Variants in CCDC69 observed in about 807,000 individuals in gnomAD.
The protein encoded by CCDC69 is coiled-coil domain containing 69, also known as coiled-coil domain-containing protein 69.
CCDC69 carries 38 observed loss-of-function variants against 40.3 expected under a neutral mutation model. That is an observed-to-expected ratio of 0.94 (90% CI 0.73 to 1.24). The LOEUF (loss-of-function observed/expected upper bound fraction) is 1.24, where lower values mean the gene tolerates loss of function less well. Ranked by LOEUF, CCDC69 falls within the 50% of genes most tolerant of loss-of-function variation. The probability of loss-of-function intolerance (pLI) is 0.00; values close to 1 mark genes in which losing one functional copy is unlikely to be tolerated. For missense variants in CCDC69, 389 were observed against 357.9 expected (o/e 1.09, Z -0.70); for synonymous variants, 141 against 138.9 (o/e 1.02, Z -0.11).
rs956069651 is a variant in CCDC69 at position 151,191,212 on chromosome 5, G to C, written c.320-3753C>G. Among the ~76,000 whole-genome samples, 11 of 152,172 alleles carry C rather than the reference G, an allele frequency of 7.2e-5. No homozygotes were observed. The East Asian group carries it at 1.9e-3, about 27-fold the overall frequency. ...GTGGAAAAAGAAACACTAATCAAAAGAAAGTCATAGTAGCTATATGATTTG... is the reference window on the plus strand; with the variant it reads ...GTGGAAAAAGAAACACTAATCAAAACAAAGTCATAGTAGCTATATGATTTG... On this transcript the variant is annotated intron_variant, in intron 4 of 8. Transcript: ENST00000355417.
chr5:151,216,933 G>A (rs79273895), intron 1 of CCDC69, among the ~76,000 whole-genome samples: 2,189 of 152,216 alleles, frequency 0.014, 50 homozygotes, highest in African/African-American at 0.048. Flanking sequence ...TGGGAAGGAC[G>A]TGTGTGTGGG....
intron 1 of CCDC69, among the ~76,000 whole-genome samples, chr5:151,214,331 G>T (rs180768980): frequency 6.6e-6 from 1 of 152,256 alleles, no homozygotes; most frequent in Non-Finnish European, 1.5e-5. Context: ...GGCGGGGAGT[G>T]TGGCCCAAGG....
intron 4 of CCDC69, among the ~76,000 whole-genome samples, chr5:151,187,686 T>A (rs924316702): frequency 6.6e-6 from 1 of 152,170 alleles, no homozygotes; most frequent in African/African-American, 2.4e-5. Flanking sequence ...AACTATAGCC[T>A]GGGAGGAACG....
intron 1 of CCDC69, among the ~76,000 whole-genome samples, chr5:151,223,273 C>T (rs546532579): frequency 6.6e-6 from 1 of 152,328 alleles, no homozygotes; most frequent in East Asian, 1.9e-4. Flanking sequence ...GAGGAGAGGG[C>T]CACAGAACGC....
chr5:151,217,545 T>G (rs1436873048), intron 1 of CCDC69, among the ~76,000 whole-genome samples: 1 of 152,182 alleles, frequency 6.6e-6, no homozygotes, highest in East Asian at 1.9e-4. Flanking sequence ...AAGTTAGAAG[T>G]GTAAATTCAA....
At position 151,220,739 on chromosome 5, in the gene CCDC69, T is replaced by C. The variant is rs552788134; in HGVS notation, c.48+3184A>G. ...AGTTCAGACATCATTCCTGGTACTC[T>C]GCAGTGTCACACAAAGGGGGTTGGC... On this transcript the variant is annotated intron_variant, in intron 1 of 8. Transcript: ENST00000355417. Among the ~76,000 whole-genome samples, 13 of 152,236 alleles carry C rather than the reference T, an allele frequency of 8.5e-5. 1 individual carries two copies. The South Asian group carries it at 2.7e-3, about 32-fold the overall frequency.
chr5:151,183,102 T>C lies in CCDC69; in HGVS notation c.*335A>G, dbSNP rs1766666955. Reference sequence around the variant, plus strand: ...AGCTGGGACCAGGGGCTGTCTCCTTTATGTCAAATGGCCAGCGTGACACAG... The same window carrying C: ...AGCTGGGACCAGGGGCTGTCTCCTTCATGTCAAATGGCCAGCGTGACACAG... On this transcript the variant is annotated 3_prime_UTR_variant, in exon 9 of 9. Coordinates refer to ENST00000355417, the MANE Select transcript of CCDC69 (RefSeq NM_015621.3). 1 of 501,636 alleles carries C rather than the reference T, an allele frequency of 2.0e-6. No homozygotes were observed. Among genetic ancestry groups the C allele is most frequent in the Middle Eastern group, 3.0e-4 (1 of 3,356 alleles). The allele number at this position is 501,636 out of a possible 1,614,324, so 31.1% of individuals were successfully genotyped here.
chr5:151,199,064 T>C lies in CCDC69; in HGVS notation c.252A>G (p.Leu84=). 1 of 1,613,560 alleles carries C rather than the reference T, an allele frequency of 6.2e-7. No homozygotes were observed. The highest frequency in any genetic ancestry group is 1.6e-4 in the Middle Eastern group (1 of 6,062). Residue 84 remains leucine (L), a synonymous_variant, in exon 4 of 9, where the codon CTA becomes CTG. Transcript: ENST00000355417. The part of the protein sequence containing the change: ...WAQQVEKERE[L]ELRDRLDEQQ... Reference sequence around the variant, plus strand: ...GCTCATCCAGTCTGTCTCGAAGCTCTAGCTCCCTTTCCTTCTCCACCTGGG... The same window carrying C: ...GCTCATCCAGTCTGTCTCGAAGCTCCAGCTCCCTTTCCTTCTCCACCTGGG...
intron 4 of CCDC69, among the ~76,000 whole-genome samples, chr5:151,195,047 C>T (rs1373996669): frequency 1.3e-5 from 2 of 152,116 alleles, no homozygotes; most frequent in East Asian, 1.9e-4. Context: ...CTAGTCTCTC[C>T]TGGTTATCTG....
intron 2 of CCDC69, among the ~76,000 whole-genome samples, chr5:151,203,214 C>A (rs986995540): frequency 9.2e-5 from 14 of 151,806 alleles, no homozygotes; most frequent in African/African-American, 3.1e-4. Context: ...TGCTTGTGCA[C>A]AAAAGGAAAT....
rs1040876899 is a variant in CCDC69 at position 151,186,745 on chromosome 5, C to T, written c.394-621G>A. Among the ~76,000 whole-genome samples the T allele has an allele frequency of 1.8e-4, 27 of 152,268 alleles. 1 individual carries two copies. The highest frequency in any genetic ancestry group is 1.4e-3 in the Admixed American group (21 of 15,296). ...GTTTCACTGCCAAGAACTTTCTCTA[C>T]TTGAACCGTGACCACTACCGTTAGG... is the stretch of plus-strand genomic sequence containing the variant. On this transcript the variant is annotated intron_variant, in intron 5 of 8. Transcript: ENST00000355417.
rs139736847 is a variant in CCDC69, at chr5:151,220,146, C to T, written c.48+3777G>A. ...GAACACTAATGTCCTTTAGCTCCCA[C>T]GTCCCGGGGTACTTTCCTTGGGTAC... On this transcript the variant is annotated intron_variant, in intron 1 of 8. Coordinates refer to ENST00000355417, the MANE Select transcript of CCDC69 (RefSeq NM_015621.3). 2.4e-3 allele frequency among the ~76,000 whole-genome samples: 364 copies of T among 152,326 alleles called. 3 individuals carry two copies. The highest frequency in any genetic ancestry group is 8.4e-3 in the African/African-American group (348 of 41,558).
At chr5:151,213,982 A>C (rs1391802953) in intron 1 of CCDC69, among the ~76,000 whole-genome samples, 1 of 152,076 alleles carries the variant, frequency 6.6e-6, no homozygotes, top group Non-Finnish European at 1.5e-5. Context: ...GAGGCAGCTG[A>C]CTCCAATCCC....
At chr5:151,204,781 T>C (rs1284845394) in intron 2 of CCDC69, among the ~76,000 whole-genome samples, 1 of 152,228 alleles carries the variant, frequency 6.6e-6, no homozygotes, top group African/African-American at 2.4e-5. Context: ...GAAAATTAGA[T>C]ATTCAAGTTA....
intron 1 of CCDC69, chr5:151,210,834 G>A (rs1193845936): frequency 2.0e-5 from 3 of 152,190 alleles, no homozygotes; most frequent in African/African-American, 7.2e-5. Context: ...CAGGTGTGGT[G>A]GCACGTGCCT....
chr5:151,185,775 C>T (rs1190786619), intron 6 of CCDC69, among the ~76,000 whole-genome samples: 1 of 152,242 alleles, frequency 6.6e-6, no homozygotes, highest in Admixed American at 6.5e-5. Flanking sequence ...TGCTAAGTGG[C>T]AGGTTTGCTA....
At chr5:151,213,858 C>A (rs556903992) in intron 1 of CCDC69, among the ~76,000 whole-genome samples, 1 of 152,200 alleles carries the variant, frequency 6.6e-6, no homozygotes, top group Non-Finnish European at 1.5e-5. Flanking sequence ...TCACCCAGCT[C>A]CTCCGTGTCC....
At chr5:151,197,206 G>A (rs248450) in intron 4 of CCDC69, among the ~76,000 whole-genome samples, 91,127 of 152,074 alleles carry the variant, frequency 0.6, 28,142 homozygotes, top group Admixed American at 0.68. Context: ...TGGATTGGTG[G>A]TTGCCAGGGG....
chr5:151,203,529 T>C (rs10062642), intron 2 of CCDC69, among the ~76,000 whole-genome samples: 3 of 144,130 alleles, frequency 2.1e-5, no homozygotes, highest in Admixed American at 7.1e-5. Context: ...AAAATAAAAA[T>C]AAAAAATAAA....
Sources: gnomAD v4.1 joint callset for allele counts (sites outside exome capture counted in the v4.1 genomes callset) on GRCh38, gnomAD v4.1.1 for gene constraint, MANE v1.5 for transcripts, NCBI Gene and HGNC (gene_info 2026-07-23, HGNC 2026-07-21) for gene names.